The following ZNF679 variants were observed in gnomAD, a reference collection of about 807,000 sequenced individuals.
ZNF679 encodes zinc finger protein 679.
Under a neutral mutation model 13.4 loss-of-function variants are expected in ZNF679, and 10 were observed. The observed-to-expected ratio is 0.75, with a 90% CI of 0.46 to 1.27. The LOEUF (loss-of-function observed/expected upper bound fraction) is 1.27. ZNF679 is among the 50% of genes most tolerant of loss of function. The pLI is 0.00. For synonymous variants in ZNF679, 179 were observed against 162.5 expected, an observed-to-expected ratio of 1.10 and a Z score of -0.77; for missense variants, 525 against 477.8, an observed-to-expected ratio of 1.10 and a Z score of -0.92.
intron 1 of ZNF679, among the ~76,000 whole-genome samples, chr7:64,244,125 G>A (rs1475062377): frequency 6.6e-6 from 1 of 152,046 alleles, no homozygotes; most frequent in Non-Finnish European, 1.5e-5. Context: ...TGATGGGCAT[G>A]TGCAATGTCA....
intron 2 of ZNF679, among the ~76,000 whole-genome samples, chr7:64,249,476 T>A (rs1163128537): frequency 1.3e-5 from 2 of 152,182 alleles, no homozygotes; most frequent in Admixed American, 6.5e-5. Context: ...GAATCCCGAC[T>A]CAGGGTGTGG....
In ZNF679 at chr7:64,260,898, A is replaced by G. The variant is rs370696832; in HGVS notation, c.231A>G (p.Ile77Met). ...CLEQNKEPWN[I>M]KRNEMVTKHP... ...AGCAAAATAAAGAGCCTTGGAATAT[A>G]AAGAGAAATGAGATGGTAACCAAAC... Residue 77 changes from isoleucine (I) to methionine (M), a missense_variant, in exon 4 of 5, where the codon ATA (isoleucine) becomes ATG (methionine). Coordinates refer to ENST00000421025, the MANE Select transcript of ZNF679 (RefSeq NM_153363.3). 4.5e-5 allele frequency: 72 copies of G among 1,612,580 alleles called. No individual in the cohort carries two copies. Among genetic ancestry groups the G allele is most frequent in the East Asian group, 3.8e-4 (17 of 44,836 alleles).
At chr7:64,250,300 T>A (rs1364870696) in intron 2 of ZNF679, among the ~76,000 whole-genome samples, 2 of 147,610 alleles carry the variant, frequency 1.4e-5, no homozygotes, top group Non-Finnish European at 3.0e-5. Flanking sequence ...GACAGATTCT[T>A]GCTCTGTTGC....
intron 4 of ZNF679, among the ~76,000 whole-genome samples, chr7:64,264,277 T>C (rs1258543261): frequency 6.6e-6 from 1 of 151,996 alleles, no homozygotes; most frequent in East Asian, 1.9e-4. Context: ...TTCAGTTGCA[T>C]AGAAAAATTT....
chr7:64,260,988 A>C, intron 4 of ZNF679, 59 bp downstream of exon 4: 2 of 1,505,992 alleles, frequency 1.3e-6, no homozygotes, highest in African/African-American at 2.8e-5. Context: ...TCAAGGAGGA[A>C]GCCAGTCCTT....
chr7:64,231,359 CT>C (rs746042250), intron 1 of ZNF679, among the ~76,000 whole-genome samples: 3 of 152,150 alleles, frequency 2.0e-5, no homozygotes, highest in Non-Finnish European at 4.4e-5. Flanking sequence ...CAATATTTCC[CT>C]TGTGAGCAGG....
chr7:64,254,828 C>T (rs370474208), intron 2 of ZNF679, among the ~76,000 whole-genome samples: 94 of 151,716 alleles, frequency 6.2e-4, no homozygotes, highest in African/African-American at 2.2e-3. Context: ...GGTGAAATCC[C>T]ATCTCTACCA....
intron 1 of ZNF679, among the ~76,000 whole-genome samples, chr7:64,229,920 T>C (rs908942806): frequency 6.6e-6 from 1 of 152,220 alleles, no homozygotes; most frequent in African/African-American, 2.4e-5. Context: ...ACCTGAGTTC[T>C]GGGCTTAGTG....
In ZNF679 at chr7:64,236,920, AAG is replaced by A. The variant is rs1384111356; in HGVS notation, c.-91+8270_-91+8271del. On this transcript the variant is annotated intron_variant, in intron 1 of 4. Coordinates refer to ENST00000421025, the MANE Select transcript of ZNF679 (RefSeq NM_153363.3). Reference sequence around the variant, plus strand: ...AGAAAAAGAAAAAAAGAAAGAAAGAAAGAAGAAAGAAAGAAAGAAAGAAAGAA... The same window carrying A: ...AGAAAAAGAAAAAAAGAAAGAAAGAAAAGAAAGAAAGAAAGAAAGAAAGAA... Among the ~76,000 whole-genome samples, 109 of 122,022 alleles carry A rather than the reference AAG, an allele frequency of 8.9e-4. 1 individual carries two copies. The highest frequency in any genetic ancestry group is 3.1e-3 in the African/African-American group (100 of 31,920). The allele number at this position is 122,022 out of a possible 152,430, so 80.1% of individuals were successfully genotyped here.
intron 1 of ZNF679, among the ~76,000 whole-genome samples, chr7:64,244,126 T>C (rs1036855382): frequency 7.9e-5 from 12 of 152,084 alleles, no homozygotes; most frequent in Non-Finnish European, 1.6e-4. Context: ...GATGGGCATG[T>C]GCAATGTCAG....
chr7:64,244,020 G>A (rs549857383), intron 1 of ZNF679, among the ~76,000 whole-genome samples: 1 of 152,272 alleles, frequency 6.6e-6, no homozygotes, highest in Admixed American at 6.5e-5. Context: ...GGCAGTCTGA[G>A]GCGGGCAGAT....
chr7:64,259,962 A>G (rs1054928266), intron 2 of ZNF679, among the ~76,000 whole-genome samples: 101 of 152,206 alleles, frequency 6.6e-4, no homozygotes, highest in African/African-American at 2.3e-3. Context: ...GAAAAGAAAA[A>G]AATAGACATG....
intron 1 of ZNF679, among the ~76,000 whole-genome samples, chr7:64,242,599 G>A (rs547915191): frequency 6.6e-6 from 1 of 152,284 alleles, no homozygotes; most frequent in Admixed American, 6.5e-5. Flanking sequence ...CTGTCAGTGA[G>A]ATTCAGGAAC....
Position 64,249,141 on chromosome 7 carries a change from T to C in ZNF679, c.24T>C (p.Pro8=). 3.7e-6 allele frequency: 6 copies of C among 1,614,090 alleles called. No individual in the cohort carries two copies. The highest frequency in any genetic ancestry group is 5.1e-6 in the Non-Finnish European group (6 of 1,179,996). The change falls in exon 2 of 5, where the codon CCT becomes CCC. Residue 8 remains proline, a synonymous_variant. Coordinates refer to ENST00000421025, the MANE Select transcript of ZNF679 (RefSeq NM_153363.3). ...TTATGGCTAAAAGACCGGGATCCCC[T>C]GGAAGCCGAGAAATGGTGAGTGCTG... MAKRPGS[P]GSREMGLLTF...
chr7:64,232,475 G>A (rs1353668989), intron 1 of ZNF679, among the ~76,000 whole-genome samples: 1 of 152,184 alleles, frequency 6.6e-6, no homozygotes, highest in Non-Finnish European at 1.5e-5. Flanking sequence ...CCTGTGAGCT[G>A]GGCCTAGATA....
intron 1 of ZNF679, among the ~76,000 whole-genome samples, chr7:64,237,913 G>A (rs144754416): frequency 3.3e-5 from 5 of 152,270 alleles, no homozygotes; most frequent in African/African-American, 1.2e-4. Flanking sequence ...ACAGAAAAGT[G>A]GGAGAGAAAG....
At chr7:64,232,588 C>A (rs1440203332) in intron 1 of ZNF679, among the ~76,000 whole-genome samples, 2 of 152,140 alleles carry the variant, frequency 1.3e-5, no homozygotes, top group Non-Finnish European at 2.9e-5. Flanking sequence ...AGAATGCAGG[C>A]AGGCATGTGG....
intron 2 of ZNF679, among the ~76,000 whole-genome samples, chr7:64,251,460 A>G (rs911167083): frequency 1.3e-5 from 2 of 152,314 alleles, no homozygotes; most frequent in Admixed American, 1.3e-4. Flanking sequence ...TCTCAAAAAA[A>G]AAGAAAAGAA....
At chr7:64,250,302 C>T (rs1584232688) in intron 2 of ZNF679, among the ~76,000 whole-genome samples, 1 of 102,722 alleles carries the variant, frequency 9.7e-6, no homozygotes, top group Admixed American at 1.5e-4. Context: ...CAGATTCTTG[C>T]TCTGTTGCTC....
Sources: gnomAD v4.1 joint callset for allele counts (sites outside exome capture counted in the v4.1 genomes callset) on GRCh38, gnomAD v4.1.1 for gene constraint, MANE v1.5 for transcripts, NCBI Gene and HGNC (gene_info 2026-07-23, HGNC 2026-07-21) for gene names.